The following FRMD4B variants were observed in gnomAD, a reference collection of about 807,000 sequenced individuals.
FRMD4B encodes FERM domain containing 4B, also known as FERM domain-containing protein 4B.
FRMD4B carries 74 observed loss-of-function variants against 141.5 expected under a neutral mutation model. The observed-to-expected ratio is 0.52, with a 90% CI of 0.43 to 0.63. The LOEUF is 0.63. Ranked by LOEUF, FRMD4B falls within the 30% of genes least tolerant of loss-of-function variation. The pLI, the probability that FRMD4B is intolerant of heterozygous loss-of-function variation, is 0.00. For missense variants in FRMD4B, 1,366 were observed against 1,253.4 expected, an observed-to-expected ratio of 1.09 and a Z score of -1.36; for synonymous variants, 506 against 467.9, an observed-to-expected ratio of 1.08 and a Z score of -1.05.
chr3:69,540,908 C>T (rs192478059), intron 1 of FRMD4B, among the ~76,000 whole-genome samples: 1 of 151,926 alleles, frequency 6.6e-6, no homozygotes, highest in African/African-American at 2.4e-5. Context: ...CCCAAAAGTG[C>T]CTACCAGGAT....
At chr3:69,284,485 T>C (rs2093658296) in intron 5 of FRMD4B, among the ~76,000 whole-genome samples, 1 of 152,106 alleles carries the variant, frequency 6.6e-6, no homozygotes, top group South Asian at 2.1e-4. Flanking sequence ...CAATTAGCTA[T>C]AGAATGTGCA....
At chr3:69,339,930 C>G (rs962668655) in intron 1 of FRMD4B, among the ~76,000 whole-genome samples, 1 of 151,996 alleles carries the variant, frequency 6.6e-6, no homozygotes. Flanking sequence ...CTAATTCAAT[C>G]AGAAAAAAAC....
intron 2 of FRMD4B, among the ~76,000 whole-genome samples, chr3:69,413,911 A>G (rs1166595311): frequency 6.6e-6 from 1 of 152,010 alleles, no homozygotes; most frequent in Non-Finnish European, 1.5e-5. Flanking sequence ...CTATTTGCTT[A>G]TTTTCTTTTG....
chr3:69,294,192 T>C (rs1700966873), intron 4 of FRMD4B, among the ~76,000 whole-genome samples: 1 of 152,222 alleles, frequency 6.6e-6, no homozygotes, highest in Non-Finnish European at 1.5e-5. Context: ...AAACACCTCA[T>C]TCTGGGTTTC....
chr3:69,502,925 C>T (rs1424650513), intron 1 of FRMD4B, among the ~76,000 whole-genome samples: 6 of 152,144 alleles, frequency 3.9e-5, no homozygotes, highest in Non-Finnish European at 5.9e-5. Flanking sequence ...CCAACAGACA[C>T]ATGAAAAAAT....
intron 5 of FRMD4B, 82 bp from the exon 6 acceptor site, chr3:69,250,181 C>T (rs1194249694): frequency 3.3e-6 from 3 of 903,654 alleles, no homozygotes; most frequent in Middle Eastern, 2.1e-4. Context: ...AGGAAGCTGT[C>T]ACAGCTTGGC....
intron 1 of FRMD4B, among the ~76,000 whole-genome samples, chr3:69,480,705 G>T (rs1300797790): frequency 6.6e-6 from 1 of 152,198 alleles, no homozygotes; most frequent in African/African-American, 2.4e-5. Context: ...CAGATCTCCA[G>T]CTGCGTGCTG....
intron 2 of FRMD4B, among the ~76,000 whole-genome samples, chr3:69,399,337 C>T (rs1397351822): frequency 1.3e-5 from 2 of 152,196 alleles, no homozygotes; most frequent in South Asian, 4.1e-4. Flanking sequence ...TGAAACCCAG[C>T]CCTTCCATTT....
At chr3:69,280,158 C>T (rs2093638064) in intron 5 of FRMD4B, among the ~76,000 whole-genome samples, 1 of 152,082 alleles carries the variant, frequency 6.6e-6, no homozygotes, top group Admixed American at 6.6e-5. Context: ...TAGACCACAG[C>T]CATGTTGAAT....
intron 11 of FRMD4B, among the ~76,000 whole-genome samples, chr3:69,208,517 A>G (rs979387121): frequency 6.6e-6 from 1 of 152,168 alleles, no homozygotes; most frequent in Non-Finnish European, 1.5e-5. Flanking sequence ...GGTTTCTAAC[A>G]TGCCTATCTC....
intron 1 of FRMD4B, among the ~76,000 whole-genome samples, chr3:69,498,715 G>C (rs1706444938): frequency 1.3e-5 from 2 of 152,126 alleles, no homozygotes; most frequent in Admixed American, 1.3e-4. Context: ...ACACTTATTA[G>C]TATCTCTTAT....
intron 7 of FRMD4B, among the ~76,000 whole-genome samples, chr3:69,234,944 T>C (rs929663689): frequency 9.2e-5 from 14 of 151,492 alleles, no homozygotes; most frequent in Non-Finnish European, 1.9e-4. Flanking sequence ...AGATCAAGAG[T>C]TCCAGACCAG....
intron 2 of FRMD4B, among the ~76,000 whole-genome samples, chr3:69,401,840 G>A (rs931614671): frequency 2.0e-5 from 3 of 152,174 alleles, no homozygotes; most frequent in South Asian, 2.1e-4. Context: ...ATTAGCCACC[G>A]TGCCTGGCCG....
Position 69,368,283 on chromosome 3 carries a change from A to G in FRMD4B, c.162+17545T>C, listed in dbSNP as rs1703725250. Among the ~76,000 whole-genome samples the G allele has an allele frequency of 2.0e-5, 3 of 152,268 alleles. No individual in the cohort carries two copies. The South Asian group carries it at 6.2e-4, about 32-fold the overall frequency. ...AGTAAAGGACGTGGGCCAGCATTGG[A>G]ACTCATACCACCTGACTCCAATATC... On this transcript the variant is annotated intron_variant, in intron 1 of 22. Transcript: ENST00000398540.
At position 69,224,639 on chromosome 3, in the gene FRMD4B, T is replaced by G. The variant is rs781051781; in HGVS notation, c.633A>C (p.Lys211Asn). 1 of 1,587,462 alleles carries G rather than the reference T, an allele frequency of 6.3e-7. No homozygotes were observed. Among genetic ancestry groups the G allele is most frequent in the Non-Finnish European group, 8.6e-7 (1 of 1,160,794 alleles). Residue 211 changes from lysine to asparagine, a missense_variant, in exon 8 of 23, where the codon AAA (lysine) becomes AAC (asparagine). Lys to Asn is a moderately conservative substitution (Grantham distance 94). Transcript: ENST00000398540. ...CAAGGGATGGATGCTCCTGAAGAGT[T>G]TTGGTTGGAAAGGCTGGTAATGTCT... ...DLKTLPAFPT[K>N]TLQEHPSLAY...
intron 1 of FRMD4B, among the ~76,000 whole-genome samples, chr3:69,475,656 G>A (rs1025768632): frequency 2.0e-5 from 3 of 152,044 alleles, no homozygotes; most frequent in South Asian, 2.1e-4. Context: ...GAATAGAGCC[G>A]CAATAAACAT....
intron 17 of FRMD4B, among the ~76,000 whole-genome samples, chr3:69,191,610 A>C (rs1442110678): frequency 6.6e-6 from 1 of 152,186 alleles, no homozygotes; most frequent in Non-Finnish European, 1.5e-5. Flanking sequence ...ACCAATCTCT[A>C]ATGTTAATCT....
intron 1 of FRMD4B, 110 bp downstream of exon 1, chr3:69,385,717 GC>G (rs1315379666): frequency 1.1e-6 from 1 of 931,438 alleles, no homozygotes; most frequent in African/African-American, 1.7e-5. Context: ...CAAGCAGTCT[GC>G]TAGGAGTTTA....
rs115562323 is a variant in FRMD4B at position 69,308,403 on chromosome 3, T to C, written c.323+2860A>G. Among the ~76,000 whole-genome samples, 287 of 151,938 alleles carry C rather than the reference T, an allele frequency of 1.9e-3. 1 individual carries two copies. The highest frequency in any genetic ancestry group is 6.5e-3 in the African/African-American group (271 of 41,462). On this transcript the variant is annotated intron_variant, in intron 3 of 22. Coordinates refer to ENST00000398540, the MANE Select transcript of FRMD4B (RefSeq NM_015123.3). The stretch of plus-strand genomic sequence containing the variant: ...CCTCTCAACCCTCCTCCTGTACCAC[T>C]TTCCCTCTTAATCTCTGTACTCTCA...
Sources: allele counts gnomAD v4.1 joint callset (sites outside exome capture counted in the v4.1 genomes callset), GRCh38; gene constraint gnomAD v4.1.1; transcripts MANE v1.5; gene names NCBI Gene and HGNC (gene_info 2026-07-23, HGNC 2026-07-21).